Variants in ANKRD7 observed in about 807,000 individuals in gnomAD.
ANKRD7 encodes the protein ankyrin repeat domain 7.
In ANKRD7, 30 loss-of-function variants were observed where a neutral mutation model predicts 30.8. That is an observed-to-expected ratio of 0.97 (90% CI 0.73 to 1.32). The LOEUF (loss-of-function observed/expected upper bound fraction) is 1.32. Among genes scored for constraint, ANKRD7 ranks in the 40% most tolerant of loss-of-function variants. The pLI is 0.00. For missense variants in ANKRD7, 264 were observed against 295.7 expected (o/e 0.89, Z 0.79); for synonymous variants, 97 against 106.6 (o/e 0.91, Z 0.55).
intron 1 of ANKRD7, among the ~76,000 whole-genome samples, chr7:118,226,494 T>C (rs563513907): frequency 6.6e-6 from 1 of 152,346 alleles, no homozygotes; most frequent in African/African-American, 2.4e-5. Flanking sequence ...GTAATATGTG[T>C]TATCCACTAT....
rs548604374 is a variant in ANKRD7 at position 118,241,053 on chromosome 7, C to G, written c.*37+1055C>G. On this transcript the variant is annotated intron_variant, in intron 6 of 6. Transcript: ENST00000265224. ...CCTGTAGTCCCAGCTACTCGGGAGG[C>G]TGAGGCAGGAGAATGGCGTGAACCC... Among the ~76,000 whole-genome samples the G allele has an allele frequency of 2.7e-5, 4 of 146,426 alleles. No homozygotes were observed. In the South Asian group the frequency reaches 6.5e-4, roughly 24 times the overall value.
intron 5 of ANKRD7, 117 bp downstream of exon 5, chr7:118,237,043 A>G (rs574365679): frequency 1.9e-6 from 2 of 1,065,698 alleles, no homozygotes; most frequent in African/African-American, 1.6e-5. Flanking sequence ...CCACATACAA[A>G]TCTGTGCAGG....
Position 118,236,807 on chromosome 7 carries a change from C to G in ANKRD7, c.593C>G (p.Ala198Gly). The G allele has an allele frequency of 6.2e-7, 1 of 1,613,702 alleles. No individual in the cohort carries two copies. Among genetic ancestry groups the G allele is most frequent in the Admixed American group, 1.7e-5 (1 of 59,986 alleles). The change falls in exon 5 of 7, where the codon GCT (alanine) becomes GGT (glycine). Residue 198 changes from alanine (A) to glycine (G), a missense_variant. By Grantham distance (60) the Ala-to-Gly change is moderately conservative. Transcript: ENST00000265224. ...DNYQRTALIL[A>G]VSGEPPCLVK... ...TGCTCCAGAACAGCCCTTATTCTTG[C>G]TGTCAGTGGTGAACCACCATGTTTA...
chr7:118,240,663 CAT>C lies in ANKRD7; in HGVS notation c.*37+672_*37+673del, dbSNP rs550921683. On this transcript the variant is annotated intron_variant, in intron 6 of 6. Coordinates refer to ENST00000265224, the MANE Select transcript of ANKRD7 (RefSeq NM_019644.4). ...AGCTATAAAAAACAAAATTTTTGCACATATATATTTTAATAGATGAAAAACTA... is the reference window on the plus strand; with the variant it reads ...AGCTATAAAAAACAAAATTTTTGCACATATATTTTAATAGATGAAAAACTA... Among the ~76,000 whole-genome samples the C allele has an allele frequency of 2.0e-5, 3 of 151,900 alleles. No homozygotes were observed. The South Asian group carries it at 6.2e-4, about 32-fold the overall frequency.
chr7:118,225,911 G>A (rs549325352), intron 1 of ANKRD7, among the ~76,000 whole-genome samples: 2 of 152,184 alleles, frequency 1.3e-5, no homozygotes, highest in African/African-American at 4.8e-5. Context: ...TGTAACAACT[G>A]TATAAACGTG....
chr7:118,234,672 T>C, intron 2 of ANKRD7, 29 bp from the exon 3 acceptor site: 1 of 1,584,990 alleles, frequency 6.3e-7, no homozygotes, highest in African/African-American at 1.4e-5. Flanking sequence ...AGTAAATTGG[T>C]TACTCATCTA....
Position 118,225,003 on chromosome 7 carries a change from A to C in ANKRD7, c.173A>C (p.Lys58Thr). The part of the protein sequence containing the change: ...KKYDVNMQDK[K>T]YRTPLHLACA... Reference sequence around the variant, plus strand: ...TATGATGTAAATATGCAGGACAAAAAATACAGGTGACCAGACTGAAGAGCC... The same window carrying C: ...TATGATGTAAATATGCAGGACAAAACATACAGGTGACCAGACTGAAGAGCC... Residue 58 changes from lysine (K) to threonine (T), a missense_variant, in exon 1 of 7, where the codon AAA becomes ACA. By Grantham distance (78) the Lys-to-Thr change is moderately conservative (BLOSUM62 -1). Transcript: ENST00000265224. 2 of 1,613,832 alleles carry C rather than the reference A, an allele frequency of 1.2e-6. No individual in the cohort carries two copies. Among genetic ancestry groups the C allele is most frequent in the Non-Finnish European group, 1.7e-6 (2 of 1,179,892 alleles).
chr7:118,241,964 A>C (rs1282747305), intron 6 of ANKRD7, among the ~76,000 whole-genome samples: 1 of 152,212 alleles, frequency 6.6e-6, no homozygotes, highest in Non-Finnish European at 1.5e-5. Flanking sequence ...TCTTAAGGGA[A>C]CTAAAGCAGT....
chr7:118,225,082 G>C (rs1449293886), intron 1 of ANKRD7, 73 bp downstream of exon 1: 1 of 1,541,546 alleles, frequency 6.5e-7, no homozygotes, highest in South Asian at 1.2e-5. Context: ...TAAGACAAGT[G>C]GGGGCTGTTT....
At position 118,224,776 on chromosome 7, in the gene ANKRD7, G is replaced by A; in HGVS notation, c.-55G>A. 6.4e-7 allele frequency: 1 copy of A among 1,564,650 alleles called. No homozygotes were observed. The highest frequency in any genetic ancestry group is 1.2e-5 in the South Asian group (1 of 82,688). Reference sequence around the variant, plus strand: ...CCAGGGCAGAGGGGCAGGGCGGACGGCTAGGAGTTCAAGAAACATCCTGGT... The same window carrying A: ...CCAGGGCAGAGGGGCAGGGCGGACGACTAGGAGTTCAAGAAACATCCTGGT... On this transcript the variant is annotated 5_prime_UTR_variant, in exon 1 of 7. Transcript: ENST00000265224.
At chr7:118,229,270 T>C (rs1809593847) in intron 1 of ANKRD7, among the ~76,000 whole-genome samples, 2 of 152,186 alleles carry the variant, frequency 1.3e-5, no homozygotes, top group African/African-American at 4.8e-5. Context: ...CCCTGGCTAC[T>C]CTTTACCTAC....
chr7:118,236,004 C>A, intron 3 of ANKRD7, 37 bp from the exon 4 acceptor site: 2 of 1,164,056 alleles, frequency 1.7e-6, no homozygotes, highest in Non-Finnish European at 2.5e-6. Flanking sequence ...TGAAAATTTG[C>A]TACAATATTT....
At position 118,229,256 on chromosome 7, in the gene ANKRD7, G is replaced by A. The variant is rs62468162; in HGVS notation, c.179+4247G>A. Among the ~76,000 whole-genome samples the A allele has an allele frequency of 2.6e-3, 397 of 152,088 alleles. 2 individuals carry two copies. The highest frequency in any genetic ancestry group is 9.1e-3 in the African/African-American group (376 of 41,486). ...TTCAACTGTTACCTTACTAGTGAGG[G>A]CTTCCCTGGCTACTCTTTACCTACA... On this transcript the variant is annotated intron_variant, in intron 1 of 6. Coordinates refer to ENST00000265224, the MANE Select transcript of ANKRD7 (RefSeq NM_019644.4).
At chr7:118,238,501 T>G (rs1437955440) in intron 5 of ANKRD7, among the ~76,000 whole-genome samples, 1 of 152,222 alleles carries the variant, frequency 6.6e-6, no homozygotes, top group African/African-American at 2.4e-5. Context: ...CTTTTGTTGC[T>G]CAAGTAGCTG....
At chr7:118,233,210 T>C (rs980315176) in intron 1 of ANKRD7, among the ~76,000 whole-genome samples, 2 of 152,136 alleles carry the variant, frequency 1.3e-5, no homozygotes, top group African/African-American at 4.8e-5. Context: ...AGTACTTCTT[T>C]GTTCGTTCCT....
In ANKRD7 at chr7:118,236,167, T is replaced by C. The variant is rs967014123; in HGVS notation, c.575+20T>C. The C allele has an allele frequency of 3.5e-6, 5 of 1,429,232 alleles. No individual in the cohort carries two copies. Among genetic ancestry groups the C allele is most frequent in the Non-Finnish European group, 4.9e-6 (5 of 1,021,952 alleles). The allele number at this position is 1,429,232 out of a possible 1,614,324, so 88.5% of individuals were successfully genotyped here. ...TCAAAGGTATAATTAATAAATAAGATAGCACATAACTAAAGCTACCTGATA... is the reference window on the plus strand; with the variant it reads ...TCAAAGGTATAATTAATAAATAAGACAGCACATAACTAAAGCTACCTGATA... On this transcript the variant is annotated intron_variant, in intron 4 of 6. Transcript: ENST00000265224.
intron 1 of ANKRD7, chr7:118,227,906 CT>C (rs67297938): frequency 0.041 from 48,043 of 1,185,670 alleles, 44 homozygotes; most frequent in African/African-American, 0.053. Flanking sequence ...AGTATTATGT[CT>C]TTTTTTTTTT....
intron 1 of ANKRD7, among the ~76,000 whole-genome samples, chr7:118,230,320 A>C (rs1321956541): frequency 6.6e-6 from 1 of 152,042 alleles, no homozygotes. Flanking sequence ...ATGAGAGTTG[A>C]AAAACTACCT....
At chr7:118,240,073 T>A in intron 6 of ANKRD7, 75 bp downstream of exon 6, 2 of 731,628 alleles carry the variant, frequency 2.7e-6, no homozygotes, top group East Asian at 3.6e-5. Context: ...AGGAAACAAC[T>A]TTCTTAAGTA....
Sources: allele counts gnomAD v4.1 joint callset (sites outside exome capture counted in the v4.1 genomes callset), GRCh38; gene constraint gnomAD v4.1.1; transcripts MANE v1.5; gene names NCBI Gene and HGNC (gene_info 2026-07-23, HGNC 2026-07-21).